The following PIP5K1C variants were observed in gnomAD, a reference collection of about 807,000 sequenced individuals.
PIP5K1C encodes phosphatidylinositol 4-phosphate 5-kinase type-1 gamma.
A neutral mutation model predicts 80.1 loss-of-function variants in PIP5K1C; 45 were observed. The observed-to-expected ratio is 0.56, with a 90% CI of 0.44 to 0.72. The LOEUF (loss-of-function observed/expected upper bound fraction) is 0.72, where lower values mean the gene tolerates loss of function less well. PIP5K1C is among the 30% of genes least tolerant of loss of function. The pLI, the probability that PIP5K1C is intolerant of heterozygous loss-of-function variation, is 0.00. For missense variants in PIP5K1C, 753 were observed against 954.6 expected, an observed-to-expected ratio of 0.79 and a Z score of 2.78; for synonymous variants, 498 against 420.1, an observed-to-expected ratio of 1.19 and a Z score of -2.27.
intron 2 of PIP5K1C, 77 bp from the exon 3 acceptor site, chr19:3,664,991 G>A: frequency 8.1e-7 from 1 of 1,238,768 alleles, no homozygotes; most frequent in Non-Finnish European, 1.2e-6. Context: ...GAAACCCTGG[G>A]AAGAAAGGTT....
chr19:3,676,542 C>T (rs187608390), intron 1 of PIP5K1C, among the ~76,000 whole-genome samples: 1,674 of 152,340 alleles, frequency 0.011, 29 homozygotes, highest in African/African-American at 0.037. Flanking sequence ...CCTCTGCCTT[C>T]GCCCCCCACG....
chr19:3,659,788 C>G (rs2034768596), intron 5 of PIP5K1C, among the ~76,000 whole-genome samples: 1 of 152,186 alleles, frequency 6.6e-6, no homozygotes, highest in Admixed American at 6.5e-5. Context: ...AAGAGCGCAG[C>G]CTCGGGCGCT....
In PIP5K1C at chr19:3,648,529, C is replaced by T. The variant is rs569791381; in HGVS notation, c.1211+96G>A. The T allele has an allele frequency of 2.0e-4, 91 of 466,004 alleles. 1 individual carries two copies. The highest frequency in any genetic ancestry group is 1.7e-3 in the African/African-American group (75 of 44,592). 28.9% of individuals were successfully genotyped at this position (466,004 alleles called of 1,614,324 possible). On this transcript the variant is annotated intron_variant, in intron 9 of 17. Coordinates refer to ENST00000335312, the MANE Select transcript of PIP5K1C (RefSeq NM_012398.3). This position sits in a 1 kb window ranked among gnomAD's most constrained non-coding sequence, Gnocchi z 4.3. ...GCGCCCACCTGTGGGGCTGCAGACC[C>T]GGGCGCCCACCTGTGGGGCTGCAGA...
intron 5 of PIP5K1C, among the ~76,000 whole-genome samples, chr19:3,658,351 C>A (rs916037478): frequency 6.6e-6 from 1 of 152,234 alleles, no homozygotes; most frequent in Non-Finnish European, 1.5e-5. Flanking sequence ...GTGGGGTGGA[C>A]TCTGAGGCTG....
Position 3,694,645 on chromosome 19 carries a change from G to A in PIP5K1C, c.94+5652C>T, listed in dbSNP as rs531711926. Among the ~76,000 whole-genome samples the A allele has an allele frequency of 1.2e-3, 189 of 152,318 alleles. 1 individual carries two copies. The highest frequency in any genetic ancestry group is 4.3e-3 in the African/African-American group (179 of 41,572). On this transcript the variant is annotated intron_variant, in intron 1 of 17. Coordinates refer to ENST00000335312, the MANE Select transcript of PIP5K1C (RefSeq NM_012398.3). Reference sequence around the variant, plus strand: ...CCGCTGTCCTCAGGTCCGACCCCACGCGACCCTCTCCCACCACGTTGACTT... The same window carrying A: ...CCGCTGTCCTCAGGTCCGACCCCACACGACCCTCTCCCACCACGTTGACTT...
chr19:3,643,907 C>T (rs2034093067), intron 12 of PIP5K1C, among the ~76,000 whole-genome samples, 180 bp downstream of exon 12: 1 of 152,132 alleles, frequency 6.6e-6, no homozygotes, highest in African/African-American at 2.4e-5. Flanking sequence ...ATACTCAGCT[C>T]CCCCTGGGCT....
At chr19:3,680,292 C>T (rs1347269926) in intron 1 of PIP5K1C, among the ~76,000 whole-genome samples, 2 of 152,176 alleles carry the variant, frequency 1.3e-5, no homozygotes, top group Non-Finnish European at 2.9e-5. Context: ...GGCTCTCTGT[C>T]TAAATGCAAC....
chr19:3,676,825 A>C (rs1433954778), intron 1 of PIP5K1C, among the ~76,000 whole-genome samples: 4 of 152,244 alleles, frequency 2.6e-5, no homozygotes, highest in Admixed American at 6.5e-5. Context: ...TTAAAAAGAA[A>C]TATAAGACCA....
At chr19:3,673,587 C>A (rs1166660322) in intron 1 of PIP5K1C, among the ~76,000 whole-genome samples, 1 of 152,198 alleles carries the variant, frequency 6.6e-6, no homozygotes, top group Non-Finnish European at 1.5e-5. Context: ...AGGACAGGTG[C>A]AGGCTCGCCG....
rs114198000 is a variant in PIP5K1C, at chr19:3,641,740, G to A, written c.1752C>T (p.Ser584=). Residue 584 remains serine, a synonymous_variant, in exon 15 of 18, where the codon AGC becomes AGT. Transcript: ENST00000335312. ...QITVQVEPAC[S]VEIVVPKEED... Reference sequence around the variant, plus strand: ...CCTCTTTGGGGACCACAATCTCCACGCTGCACGCAGGCTCCACCTGCACTG... The same window carrying A: ...CCTCTTTGGGGACCACAATCTCCACACTGCACGCAGGCTCCACCTGCACTG... 403 of 1,610,840 alleles carry A rather than the reference G, an allele frequency of 2.5e-4. 2 individuals are homozygous for A. The African/African-American group carries it at 4.0e-3, about 16-fold the overall frequency.
chr19:3,681,724 C>G (rs1457564731), intron 1 of PIP5K1C, among the ~76,000 whole-genome samples: 1 of 152,090 alleles, frequency 6.6e-6, no homozygotes, highest in Admixed American at 6.5e-5. Context: ...CAGCAACATT[C>G]GCTCCAGCCT....
chr19:3,650,201 C>T (rs1027098185), intron 8 of PIP5K1C, among the ~76,000 whole-genome samples: 3 of 152,240 alleles, frequency 2.0e-5, no homozygotes, highest in Non-Finnish European at 4.4e-5. Context: ...CAGCCAGCAC[C>T]GTCCCTGGGG....
chr19:3,676,978 T>C (rs573294530), intron 1 of PIP5K1C, among the ~76,000 whole-genome samples: 5 of 152,136 alleles, frequency 3.3e-5, no homozygotes, highest in African/African-American at 1.2e-4. Flanking sequence ...GGTGCACACC[T>C]GTATTTCTAG....
chr19:3,689,323 C>T (rs1047963997), intron 1 of PIP5K1C, among the ~76,000 whole-genome samples: 2 of 152,166 alleles, frequency 1.3e-5, no homozygotes, highest in African/African-American at 2.4e-5. Flanking sequence ...GCTCAGTGTG[C>T]GCCTGAAGTG....
At chr19:3,639,816 G>A (rs1414489804) in intron 15 of PIP5K1C, among the ~76,000 whole-genome samples, 1 of 152,206 alleles carries the variant, frequency 6.6e-6, no homozygotes, top group East Asian at 1.9e-4. Flanking sequence ...GGATGGAGAG[G>A]GTGCGGCTAC....
chr19:3,636,814 C>A (rs2033707447), intron 16 of PIP5K1C: 2 of 987,706 alleles, frequency 2.0e-6, no homozygotes, highest in Non-Finnish European at 2.4e-6. Flanking sequence ...GGTCTGCGCC[C>A]CGTTCTGGCT....
chr19:3,679,004 T>TGGGATGGA (rs1485643794), intron 1 of PIP5K1C, among the ~76,000 whole-genome samples: 15 of 134,660 alleles, frequency 1.1e-4, no homozygotes, highest in Non-Finnish European at 2.0e-4. Flanking sequence ...GGAGGGATGG[T>TGGGATGGA]GGGATGGAGG....
intron 3 of PIP5K1C, among the ~76,000 whole-genome samples, chr19:3,662,795 A>G (rs1387485704): frequency 6.6e-6 from 1 of 151,626 alleles, no homozygotes; most frequent in African/African-American, 2.4e-5. Flanking sequence ...CGAACTCCTG[A>G]CCTCAGCTAA....
intron 1 of PIP5K1C, among the ~76,000 whole-genome samples, chr19:3,670,802 G>A (rs1027856014): frequency 6.6e-6 from 1 of 152,238 alleles, no homozygotes; most frequent in Non-Finnish European, 1.5e-5. Flanking sequence ...ACAGACCCAT[G>A]GTGCTCACTG....
Sources: allele counts gnomAD v4.1 joint callset (sites outside exome capture counted in the v4.1 genomes callset), GRCh38; gene constraint gnomAD v4.1.1; non-coding constraint Gnocchi (gnomAD v3.1); transcripts MANE v1.5; gene names NCBI Gene and HGNC (gene_info 2026-07-23, HGNC 2026-07-21).